The following MEG3 variants were observed in gnomAD, a reference collection of about 807,000 sequenced individuals.
MEG3 encodes Very putative protein from MEG3 locus.
At chr14:100,834,381 G>C (rs1050172948) in exon 1 of MEG3, 3 of 258,498 alleles carry the variant, frequency 1.2e-5, no homozygotes, top group African/African-American at 6.8e-5. Flanking sequence ...GCTGGCCCCC[G>C]GCAGGTTCTC....
At chr14:100,827,776 T>C (rs1158251297) in intron 1 of MEG3, among the ~76,000 whole-genome samples, 1 of 152,180 alleles carries the variant, frequency 6.6e-6, no homozygotes, top group African/African-American at 2.4e-5. Flanking sequence ...ACAGGTTCTG[T>C]CTCTCGTTCC....
rs1033855358 is a variant in MEG3, at chr14:100,841,591, G to A, written n.3046-3867G>A. ...CACGGTGAGCCGGCAGCAGGCCCTG[G>A]AGGTGAAGCCCCTGCCAGTTGCCAG... On this transcript the variant is annotated intron_variant and non_coding_transcript_variant, in intron 2 of 3. Coordinates refer to the MEG3 transcript ENST00000398461. 1.8e-4 allele frequency among the ~76,000 whole-genome samples: 27 copies of A among 152,362 alleles called. 1 individual carries two copies. The highest frequency in any genetic ancestry group is 1.6e-3 in the Admixed American group (25 of 15,310).
chr14:100,842,449 T>G (rs1477218738), intron 2 of MEG3, among the ~76,000 whole-genome samples: 1 of 152,168 alleles, frequency 6.6e-6, no homozygotes, highest in African/African-American at 2.4e-5. Flanking sequence ...CAATTACCTC[T>G]CCTATTTTCA....
At chr14:100,841,302 C>T (rs1427380266) in intron 2 of MEG3, among the ~76,000 whole-genome samples, 3 of 152,234 alleles carry the variant, frequency 2.0e-5, no homozygotes, top group Admixed American at 6.5e-5. Context: ...AGAGCCTGTG[C>T]TCAGCCCTGA....
intron 3 of MEG3, chr14:100,851,254 T>G (rs1373702821): frequency 6.6e-6 from 1 of 152,280 alleles, no homozygotes; most frequent in Non-Finnish European, 1.5e-5. Flanking sequence ...ACGAGTGGTG[T>G]GAAGCCTGTT....
At chr14:100,848,846 A>T (rs2037990954) in intron 3 of MEG3, 1 of 152,326 alleles carries the variant, frequency 6.6e-6, no homozygotes, top group Non-Finnish European at 1.5e-5. Context: ...GTAAGAAAAG[A>T]AAGGAAAAGT....
chr14:100,827,199 G>GC (rs968863683), intron 1 of MEG3, among the ~76,000 whole-genome samples: 2 of 152,032 alleles, frequency 1.3e-5, no homozygotes, highest in South Asian at 2.1e-4. Context: ...TCAGAGTCAA[G>GC]CCCCCCCAGG....
exon 1 of MEG3, chr14:100,858,232 TG>T (rs1278004691): frequency 6.6e-6 from 1 of 152,326 alleles, no homozygotes; most frequent in African/African-American, 2.4e-5. Flanking sequence ...AGCCCAGGAG[TG>T]CTCTGGCAGA....
chr14:100,847,404 C>A (rs2037949132), intron 3 of MEG3: 1 of 152,048 alleles, frequency 6.6e-6, no homozygotes, highest in African/African-American at 2.4e-5. Flanking sequence ...GTCCTGGGCA[C>A]TGAGGTCTGT....
chr14:100,856,632 C>T (rs1452886912), upstream of MEG3: 1 of 152,614 alleles, frequency 6.6e-6, no homozygotes, highest in African/African-American at 2.4e-5. Flanking sequence ...GAGCATTTAT[C>T]TCTAAACCTG....
At chr14:100,853,661 C>G (rs2038156143), upstream of MEG3, 1 of 152,002 alleles carries the variant, frequency 6.6e-6, no homozygotes, top group Non-Finnish European at 1.5e-5. Flanking sequence ...TTCATAACCT[C>G]ACTTGCTGCG....
chr14:100,840,154 G>T (rs1339164158), intron 2 of MEG3, among the ~76,000 whole-genome samples: 1 of 152,198 alleles, frequency 6.6e-6, no homozygotes, highest in Admixed American at 6.5e-5. Flanking sequence ...TGGTGGTGAA[G>T]GGTGTAGCCA....
At chr14:100,855,469 G>A (rs2038211594), upstream of MEG3, 1 of 152,252 alleles carries the variant, frequency 6.6e-6, no homozygotes, top group South Asian at 2.1e-4. Flanking sequence ...CACCACGACT[G>A]TGACCCAGGG....
chr14:100,833,814 A>C (rs897796089), downstream of MEG3: 7 of 152,258 alleles, frequency 4.6e-5, no homozygotes, highest in Non-Finnish European at 1.0e-4. Flanking sequence ...CAAATGGAAA[A>C]AAAAACTAGG....
downstream of MEG3, chr14:100,833,083 G>T (rs901844833): frequency 6.6e-6 from 1 of 152,232 alleles, no homozygotes; most frequent in African/African-American, 2.4e-5. Flanking sequence ...TGCCTAGCCA[G>T]GTGAAGAAGT....
exon 1 of MEG3, chr14:100,859,785 C>T (rs1046793392): frequency 3.3e-5 from 5 of 152,178 alleles, no homozygotes; most frequent in East Asian, 1.9e-4. Context: ...TTTTCCCACC[C>T]GTTAGAAACA....
intron 3 of MEG3, chr14:100,846,059 T>C (rs2037908986): frequency 6.6e-6 from 1 of 152,246 alleles, no homozygotes; most frequent in African/African-American, 2.4e-5. Flanking sequence ...CGGCTAAACC[T>C]CTTCAAGTTC....
At chr14:100,836,006 G>A (rs1161103983) in intron 1 of MEG3, 1 of 348,654 alleles carries the variant, frequency 2.9e-6, no homozygotes, top group African/African-American at 2.2e-5. Flanking sequence ...GCCCGTTGCT[G>A]CTTTGCACCT....
downstream of MEG3, chr14:100,831,361 CTCCCAGG>C (rs2037392343): frequency 6.5e-6 from 1 of 152,762 alleles, no homozygotes; most frequent in African/African-American, 2.4e-5. Flanking sequence ...AGCCTGGAGC[CTCCCAGG>C]TCCCTGCTGT....
Sources: gnomAD v4.1 joint callset for allele counts (sites outside exome capture counted in the v4.1 genomes callset) on GRCh38, gnomAD v4.1.1 for gene constraint, MANE v1.5 for transcripts, NCBI Gene and HGNC (gene_info 2026-07-23, HGNC 2026-07-21) for gene names.